Variants in USP20 observed in about 807,000 individuals in gnomAD.
USP20 encodes ubiquitin carboxyl-terminal hydrolase 20.
USP20 carries 80 observed loss-of-function variants against 124.2 expected under a neutral mutation model. The observed-to-expected ratio is 0.64, with a 90% CI of 0.54 to 0.78. The LOEUF (loss-of-function observed/expected upper bound fraction) is 0.78, where lower values mean the gene tolerates loss of function less well. Ranked by LOEUF, USP20 falls within the 30% of genes least tolerant of loss-of-function variation. The pLI is 0.00. For synonymous variants in USP20, 481 were observed against 512.3 expected (o/e 0.94, Z 0.83); for missense variants, 1,043 against 1,244.4 (o/e 0.84, Z 2.44).
intron 4 of USP20, among the ~76,000 whole-genome samples, chr9:129,857,748 C>G (rs1400851439): frequency 3.3e-5 from 5 of 152,172 alleles, no homozygotes; most frequent in African/African-American, 1.2e-4. Flanking sequence ...GGGTCTTGGT[C>G]CCGAGCAGCC....
intron 9 of USP20, among the ~76,000 whole-genome samples, 183 bp from the exon 10 acceptor site, chr9:129,865,120 G>A (rs1412610222): frequency 6.6e-6 from 1 of 152,206 alleles, no homozygotes; most frequent in Non-Finnish European, 1.5e-5. Context: ...GCTATGACTT[G>A]ACATTTTCTT....
Position 129,868,067 on chromosome 9 carries a change from G to A in USP20, c.753G>A (p.Val251=), listed in dbSNP as rs777998048. The change falls in exon 11 of 26, where the codon GTG becomes GTA. Residue 251 remains valine, a synonymous_variant. Transcript: ENST00000372429. The part of the protein sequence containing the change: ...DQLHEELKEP[V]VATVALTEAR... Reference sequence around the variant, plus strand: ...TGCACGAGGAGCTCAAGGAGCCGGTGGTGGCCACGGTGGCGCTGACGGAGG... The same window carrying A: ...TGCACGAGGAGCTCAAGGAGCCGGTAGTGGCCACGGTGGCGCTGACGGAGG... 6 of 1,614,172 alleles carry A rather than the reference G, an allele frequency of 3.7e-6. No individual in the cohort carries two copies. Among genetic ancestry groups the A allele is most frequent in the Non-Finnish European group, 8.5e-7 (1 of 1,180,024 alleles).
rs762955112 is a variant in USP20 at position 129,870,484 on chromosome 9, T to G, written c.1597T>G (p.Trp533Gly). 1 of 1,614,118 alleles carries G rather than the reference T, an allele frequency of 6.2e-7. No individual in the cohort carries two copies. Among genetic ancestry groups the G allele is most frequent in the Non-Finnish European group, 8.5e-7 (1 of 1,179,986 alleles). ...GGTATCCTGTACCCCCAGCTGGTTT[T>G]GGGGGCCTGTCGTCACCCTGGAAGA... ...FVVSCTPSWFWGPVVTLEDCL... is the reference protein window; with the variant it reads ...FVVSCTPSWFGGPVVTLEDCL... The change falls in exon 15 of 26, where the codon TGG (tryptophan) becomes GGG (glycine). Residue 533 changes from tryptophan to glycine, a missense_variant. Physicochemically the swap from Trp to Gly is radical, Grantham distance 184. Transcript: ENST00000372429.
chr9:129,858,268 A>G (rs1775956036), intron 5 of USP20, among the ~76,000 whole-genome samples, 156 bp downstream of exon 5: 1 of 146,336 alleles, frequency 6.8e-6, no homozygotes, highest in Non-Finnish European at 1.5e-5. Flanking sequence ...ATGCAGGTAA[A>G]AACATTTTGC....
intron 10 of USP20, among the ~76,000 whole-genome samples, chr9:129,866,217 A>G (rs2033813816): frequency 3.0e-5 from 1 of 33,684 alleles, no homozygotes; most frequent in South Asian, 1.5e-3. Flanking sequence ...TGTGGGGACA[A>G]CTTCCGCCCT....
rs1372314236 is a variant in USP20 at position 129,876,112 on chromosome 9, C to T, written c.2301-18C>T. 3.1e-6 allele frequency: 5 copies of T among 1,605,946 alleles called. No homozygotes were observed. Among genetic ancestry groups the T allele is most frequent in the East Asian group, 4.5e-5 (2 of 44,522 alleles). On this transcript the variant is annotated intron_variant, in intron 21 of 25. Transcript: ENST00000372429. ...TACCCCGCTCAGGCCGTGTCTCTCT[C>T]TCCCACCCTGGGCACAGATTCGGGG...
intron 1 of USP20, among the ~76,000 whole-genome samples, chr9:129,847,748 C>A: frequency 6.6e-6 from 1 of 152,166 alleles, no homozygotes. Context: ...CTAGAACATT[C>A]CAACACCACA....
intron 17 of USP20, 131 bp from the exon 18 acceptor site, chr9:129,874,445 G>A (rs1400770132): frequency 2.4e-6 from 3 of 1,232,628 alleles, no homozygotes; most frequent in African/African-American, 3.0e-5. Flanking sequence ...TGGCCCCCAC[G>A]TGGAACTCTT....
chr9:129,875,205 G>A, intron 19 of USP20, 105 bp from the exon 20 acceptor site: 3 of 1,323,832 alleles, frequency 2.3e-6, no homozygotes, highest in Non-Finnish European at 2.0e-6. Flanking sequence ...CCCAGGAGGT[G>A]GTGGACAGGG....
Position 129,863,243 on chromosome 9 carries a change from G to A in USP20, c.555G>A (p.Lys185=). 6.4e-7 allele frequency: 1 copy of A among 1,551,774 alleles called. No individual in the cohort carries two copies. Among genetic ancestry groups the A allele is most frequent in the Non-Finnish European group, 8.7e-7 (1 of 1,146,224 alleles). Reference sequence around the variant, plus strand: ...GCGGCCTGGTGCGCACAGATAAGAAGCCAGCCCTGTGCAAGAGCTACCAGA... The same window carrying A: ...GCGGCCTGGTGCGCACAGATAAGAAACCAGCCCTGTGCAAGAGCTACCAGA... ...ECGGLVRTDK[K]PALCKSYQKL... is the part of the protein sequence containing the mutation. Residue 185 remains lysine, a synonymous_variant, in exon 9 of 26, where the codon AAG becomes AAA. Coordinates refer to ENST00000372429, the MANE Select transcript of USP20 (RefSeq NM_001110303.4).
intron 12 of USP20, 139 bp from the exon 13 acceptor site, chr9:129,869,171 G>A (rs1564215063): frequency 2.3e-6 from 3 of 1,307,644 alleles, no homozygotes; most frequent in Non-Finnish European, 2.1e-6. Flanking sequence ...ATGACACAGA[G>A]GCATGAGATG....
intron 13 of USP20, 22 bp downstream of exon 13, chr9:129,869,447 G>A (rs752536208): frequency 5.0e-6 from 8 of 1,608,138 alleles, no homozygotes; most frequent in Non-Finnish European, 5.1e-6. Flanking sequence ...AGGGATGGGG[G>A]GAGCTGGGCC....
At chr9:129,850,171 A>T (rs963394009) in intron 2 of USP20, among the ~76,000 whole-genome samples, 1 of 152,216 alleles carries the variant, frequency 6.6e-6, no homozygotes, top group Non-Finnish European at 1.5e-5. Flanking sequence ...GTCTAGGTAC[A>T]TGGAAACATG....
Position 129,868,328 on chromosome 9 carries a change from T to G in USP20, c.1014T>G (p.Arg338=). ...GCAAGTTCTCCTGGGGCCAGCAGCG[T>G]ACAAACTCGGAGCAAGTGGACGAGG... is the stretch of plus-strand genomic sequence containing the variant. ...KDRKFSWGQQ[R]TNSEQVDEDA... The change falls in exon 11 of 26, where the codon CGT becomes CGG. Residue 338 remains arginine, a synonymous_variant. Coordinates refer to ENST00000372429, the MANE Select transcript of USP20 (RefSeq NM_001110303.4). The G allele has an allele frequency of 6.2e-7, 1 of 1,613,522 alleles. No homozygotes were observed. The highest frequency in any genetic ancestry group is 8.5e-7 in the Non-Finnish European group (1 of 1,179,918).
In USP20 at chr9:129,861,579, A is replaced by G. The variant is rs759388729; in HGVS notation, c.464A>G (p.Tyr155Cys). Residue 155 changes from tyrosine to cysteine, a missense_variant, in exon 8 of 26, where the codon TAC (tyrosine) becomes TGC (cysteine). Physicochemically the swap from Tyr to Cys is radical, Grantham distance 194. Coordinates refer to ENST00000372429, the MANE Select transcript of USP20 (RefSeq NM_001110303.4). ...ATGAAGAACCTCGGGAACTCCTGCT[A>G]CATGAACGCTGCCCTGCAGGCCCTG... is the stretch of plus-strand genomic sequence containing the variant. Reference protein sequence around the residue: ...TGMKNLGNSCYMNAALQALSN... With the variant: ...TGMKNLGNSCCMNAALQALSN... 6.2e-7 allele frequency: 1 copy of G among 1,614,134 alleles called. No homozygotes were observed. Among genetic ancestry groups the G allele is most frequent in the Non-Finnish European group, 8.5e-7 (1 of 1,180,032 alleles).
chr9:129,879,539 G>C lies in USP20; in HGVS notation c.2513-34G>C. ...GCTGTGGAGGGTGGAGGGCATGGCA[G>C]GGGCTGAACCCGAGCCCGCTGTGTC... On this transcript the variant is annotated intron_variant, in intron 23 of 25. Transcript: ENST00000372429. The surrounding 1 kb of genome is among the most constrained non-coding windows in gnomAD (Gnocchi z 4.2). The C allele has an allele frequency of 6.2e-7, 1 of 1,610,488 alleles. No homozygotes were observed. The highest frequency in any genetic ancestry group is 8.5e-7 in the Non-Finnish European group (1 of 1,177,770).
chr9:129,855,158 A>G (rs4240439), intron 3 of USP20, among the ~76,000 whole-genome samples: 134,821 of 152,218 alleles, frequency 0.89, 60,146 homozygotes, highest in East Asian at 1. Flanking sequence ...TGGGCTGGGC[A>G]CGGTGGCTCA....
chr9:129,844,082 A>G (rs566010867), intron 1 of USP20, among the ~76,000 whole-genome samples: 2 of 152,260 alleles, frequency 1.3e-5, no homozygotes, highest in African/African-American at 4.8e-5. Context: ...AAAACAAAAG[A>G]TTCATATTCC....
chr9:129,864,831 C>T (rs901731264), intron 9 of USP20, among the ~76,000 whole-genome samples: 1 of 150,796 alleles, frequency 6.6e-6, no homozygotes, highest in African/African-American at 2.4e-5. Context: ...GTGTAAGAAG[C>T]CAAGTTTAAA....
Sources: allele counts gnomAD v4.1 joint callset (sites outside exome capture counted in the v4.1 genomes callset), GRCh38; gene constraint gnomAD v4.1.1; non-coding constraint Gnocchi (gnomAD v3.1); transcripts MANE v1.5; gene names NCBI Gene and HGNC (gene_info 2026-07-23, HGNC 2026-07-21).